RANBP17: variants seen among roughly 807,000 people sequenced by gnomAD.
The protein encoded by RANBP17 is ran-binding protein 17.
Under a neutral mutation model 141.2 loss-of-function variants are expected in RANBP17, and 158 were observed. That is an observed-to-expected ratio of 1.12 (90% CI 0.98 to 1.28). The LOEUF is 1.28. Ranked by LOEUF, RANBP17 falls within the 50% of genes most tolerant of loss-of-function variation. RANBP17 has a pLI of 0.00. For synonymous variants in RANBP17, 430 were observed against 450.0 expected (o/e 0.96, Z 0.56); for missense variants, 1,438 against 1,290.7 (o/e 1.11, Z -1.75).
intron 21 of RANBP17, among the ~76,000 whole-genome samples, chr5:171,214,329 A>C (rs1021960413): frequency 6.6e-6 from 1 of 152,226 alleles, no homozygotes; most frequent in Non-Finnish European, 1.5e-5. Context: ...TTGACCTTAT[A>C]ATTTGCATAG....
At chr5:170,863,072 A>G (rs1009640788) in intron 1 of RANBP17, among the ~76,000 whole-genome samples, 1 of 152,164 alleles carries the variant, frequency 6.6e-6, no homozygotes, top group Non-Finnish European at 1.5e-5. Flanking sequence ...CTGAAGATAC[A>G]ACAGCTCTGA....
At chr5:170,862,657 G>C (rs890384053) in intron 1 of RANBP17, among the ~76,000 whole-genome samples, 4 of 152,092 alleles carry the variant, frequency 2.6e-5, no homozygotes, top group Non-Finnish European at 5.9e-5. Context: ...GAGGAAACCC[G>C]GGCCGGGCGC....
At chr5:171,115,075 T>C (rs1171870174) in intron 14 of RANBP17, among the ~76,000 whole-genome samples, 2 of 151,898 alleles carry the variant, frequency 1.3e-5, no homozygotes, top group African/African-American at 4.8e-5. Flanking sequence ...CACTCCAACC[T>C]CGGTGACAGA....
chr5:171,080,805 C>T (rs1351826040), intron 14 of RANBP17, among the ~76,000 whole-genome samples: 1 of 152,146 alleles, frequency 6.6e-6, no homozygotes, highest in Non-Finnish European at 1.5e-5. Context: ...CACTCTTCAT[C>T]ATTATTATAA....
At position 171,161,260 on chromosome 5, in the gene RANBP17, T is replaced by A. The variant is rs1759332788; in HGVS notation, c.1711-8870T>A. 4.0e-5 allele frequency: 7 copies of A among 175,342 alleles called. No individual in the cohort carries two copies. The East Asian group carries it at 7.2e-4, about 18-fold the overall frequency. The allele number at this position is 175,342 out of a possible 1,614,324, so 10.9% of individuals were successfully genotyped here. A position where few individuals can be genotyped will look rare whatever the true frequency, so the allele number is the denominator to read the frequency against. On this transcript the variant is annotated intron_variant, in intron 14 of 27. Coordinates refer to ENST00000523189, the MANE Select transcript of RANBP17 (RefSeq NM_022897.5). ...CTTCACCATGTCTCTGCTCATGGGC[T>A]CCAGAATAAAATCAAAGTCCCAAGA...
rs565655050 is a variant in RANBP17, at chr5:171,188,698, A to T, written c.2038+5268A>T. On this transcript the variant is annotated intron_variant, in intron 18 of 27. Transcript: ENST00000523189. ...TCAGAACCTGGAAATGGAATGGGTTAACATTTCCTTTTTGATATGGTCATC... is the reference window on the plus strand; with the variant it reads ...TCAGAACCTGGAAATGGAATGGGTTTACATTTCCTTTTTGATATGGTCATC... Among the ~76,000 whole-genome samples the T allele has an allele frequency of 1.4e-3, 209 of 152,328 alleles. 1 individual carries two copies. Among genetic ancestry groups the T allele is most frequent in the African/African-American group, 5.0e-3 (207 of 41,586 alleles).
At chr5:171,176,896 A>T (rs1459150290) in intron 16 of RANBP17, among the ~76,000 whole-genome samples, 1 of 152,332 alleles carries the variant, frequency 6.6e-6, no homozygotes, top group Non-Finnish European at 1.5e-5. Flanking sequence ...AGAGTAGAGG[A>T]TGAGAGATGA....
intron 25 of RANBP17, among the ~76,000 whole-genome samples, chr5:171,284,051 C>T (rs1056486988): frequency 2.6e-5 from 4 of 152,176 alleles, no homozygotes; most frequent in African/African-American, 4.8e-5. Flanking sequence ...TGTTTAGTAA[C>T]GTGGAGTGCT....
chr5:171,154,547 T>G (rs1758721756), intron 14 of RANBP17, among the ~76,000 whole-genome samples: 1 of 152,222 alleles, frequency 6.6e-6, no homozygotes, highest in Non-Finnish European at 1.5e-5. Flanking sequence ...CCCAAAATGC[T>G]GGGATTACAG....
intron 20 of RANBP17, chr5:171,207,858 T>C (rs575574057): frequency 1.3e-5 from 2 of 152,310 alleles, no homozygotes; most frequent in South Asian, 4.1e-4. Context: ...AGTTATATTA[T>C]TTGATAATTC....
chr5:171,288,131 A>G (rs1162090563), intron 25 of RANBP17, among the ~76,000 whole-genome samples: 1 of 152,214 alleles, frequency 6.6e-6, no homozygotes, highest in Non-Finnish European at 1.5e-5. Flanking sequence ...CATTTTCCAG[A>G]GACAGCCTGT....
At chr5:171,191,315 C>T (rs1308689072) in intron 18 of RANBP17, among the ~76,000 whole-genome samples, 1 of 150,546 alleles carries the variant, frequency 6.6e-6, no homozygotes, top group Non-Finnish European at 1.5e-5. Flanking sequence ...GTTTATAAAC[C>T]ACTTTCATAG....
intron 14 of RANBP17, among the ~76,000 whole-genome samples, chr5:171,049,643 G>A (rs576084627): frequency 1.1e-4 from 16 of 152,254 alleles, no homozygotes; most frequent in African/African-American, 1.4e-4. Flanking sequence ...ATTGATTTTT[G>A]TATATGGTGA....
Position 170,986,463 on chromosome 5 carries a change from C to T in RANBP17, c.1710+18086C>T, listed in dbSNP as rs568989991. 5.9e-5 allele frequency among the ~76,000 whole-genome samples: 9 copies of T among 151,964 alleles called. No homozygotes were observed. The South Asian group carries it at 1.7e-3, about 28-fold the overall frequency. On this transcript the variant is annotated intron_variant, in intron 14 of 27. Coordinates refer to ENST00000523189, the MANE Select transcript of RANBP17 (RefSeq NM_022897.5). ...ACAAGTAGAATTGGAATGCTCCTAA[C>T]ACAAATGGCAAATGCTTGAGGTAAT...
intron 14 of RANBP17, among the ~76,000 whole-genome samples, chr5:171,021,798 A>G (rs952723624): frequency 2.8e-4 from 43 of 152,188 alleles, no homozygotes; most frequent in Non-Finnish European, 5.9e-4. Context: ...TCCTTCATCC[A>G]GTTCTGCACC....
intron 14 of RANBP17, among the ~76,000 whole-genome samples, chr5:171,061,151 C>A (rs1783814223): frequency 6.6e-6 from 1 of 151,950 alleles, no homozygotes; most frequent in Non-Finnish European, 1.5e-5. Flanking sequence ...TTTTTTGTGT[C>A]TCTGTTTCCT....
At chr5:171,093,314 CTTTAT>C (rs1561646974) in intron 14 of RANBP17, among the ~76,000 whole-genome samples, 1 of 151,966 alleles carries the variant, frequency 6.6e-6, no homozygotes, top group East Asian at 1.9e-4. Context: ...AAAAGCTCTA[CTTTAT>C]TTATTTATGT....
At chr5:171,269,268 G>A (rs1413610941) in intron 25 of RANBP17, among the ~76,000 whole-genome samples, 1 of 152,132 alleles carries the variant, frequency 6.6e-6, no homozygotes, top group Non-Finnish European at 1.5e-5. Flanking sequence ...AAGCTCTTTT[G>A]AATTGATTTG....
intron 18 of RANBP17, among the ~76,000 whole-genome samples, chr5:171,196,390 GT>G (rs980583807): frequency 2.0e-5 from 3 of 152,200 alleles, no homozygotes; most frequent in Non-Finnish European, 4.4e-5. Flanking sequence ...GAATCAGAAA[GT>G]TTTTTTATCT....
Sources: allele counts gnomAD v4.1 joint callset (sites outside exome capture counted in the v4.1 genomes callset), GRCh38; gene constraint gnomAD v4.1.1; transcripts MANE v1.5; gene names NCBI Gene and HGNC (gene_info 2026-07-23, HGNC 2026-07-21).